The following DOCK7 variants were observed in gnomAD, a reference collection of about 807,000 sequenced individuals.
DOCK7 encodes the protein dedicator of cytokinesis 7, also known as dedicator of cytokinesis protein 7.
In DOCK7, 138 loss-of-function variants were observed where a neutral mutation model predicts 271.0. That is an observed-to-expected ratio of 0.51 (90% CI 0.44 to 0.59). The LOEUF (loss-of-function observed/expected upper bound fraction) is 0.59, where lower values mean the gene tolerates loss of function less well. Ranked by LOEUF, DOCK7 falls within the 20% of genes least tolerant of loss-of-function variation. The pLI is 0.00. For synonymous variants in DOCK7, 823 were observed against 876.1 expected (o/e 0.94, Z 1.07); for missense variants, 2,066 against 2,592.4 (o/e 0.80, Z 4.41).
At chr1:62,502,735 T>C (rs923098361) in intron 37 of DOCK7, among the ~76,000 whole-genome samples, 2 of 151,374 alleles carry the variant, frequency 1.3e-5, no homozygotes, top group Non-Finnish European at 2.9e-5. Context: ...ACAGACCATA[T>C]AGTGTAAGAT....
chr1:62,616,521 T>C (rs963508658), intron 14 of DOCK7, among the ~76,000 whole-genome samples: 4 of 151,922 alleles, frequency 2.6e-5, no homozygotes, highest in Non-Finnish European at 5.9e-5. Flanking sequence ...TATATAATTA[T>C]GAATGCTGGA....
intron 43 of DOCK7, chr1:62,485,299 A>T (rs1646260397): frequency 1.0e-6 from 1 of 985,296 alleles, no homozygotes. Context: ...ATTATTTTGC[A>T]TGGTAAAGAC....
At chr1:62,582,777 GA>G (rs1647177906) in intron 16 of DOCK7, among the ~76,000 whole-genome samples, 1 of 151,980 alleles carries the variant, frequency 6.6e-6, no homozygotes, top group African/African-American at 2.4e-5. Context: ...TCCCAAGGAA[GA>G]AAAATGACAA....
At position 62,604,859 on chromosome 1, in the gene DOCK7, C is replaced by T. The variant is rs375746080; in HGVS notation, c.1682+13847G>A. On this transcript the variant is annotated intron_variant, in intron 14 of 49. Transcript: ENST00000635253. ...AAGGCAATAATTTAAACATTAACCT[C>T]ATTCCAAGTTAATGTGGTCTAATAA... 67 of 1,549,338 alleles carry T rather than the reference C, an allele frequency of 4.3e-5. No individual in the cohort carries two copies. In the African/African-American group the frequency reaches 9.0e-4, roughly 21 times the overall value.
chr1:62,480,395 T>G (rs966091255), intron 43 of DOCK7, among the ~76,000 whole-genome samples: 10 of 152,168 alleles, frequency 6.6e-5, no homozygotes, highest in Non-Finnish European at 8.8e-5. Context: ...TCATCTTCAG[T>G]AATAGGAAAG....
At chr1:62,544,599 G>T (rs1299941301) in intron 23 of DOCK7, among the ~76,000 whole-genome samples, 2 of 152,006 alleles carry the variant, frequency 1.3e-5, no homozygotes, top group Non-Finnish European at 2.9e-5. Context: ...AAAACTGTTG[G>T]GTTTTTTCCT....
At chr1:62,526,078 A>T (rs1571403954) in intron 31 of DOCK7, among the ~76,000 whole-genome samples, 2 of 152,162 alleles carry the variant, frequency 1.3e-5, no homozygotes, top group South Asian at 4.1e-4. Flanking sequence ...CTGGGACTAC[A>T]GTAGGCACAT....
At chr1:62,516,154 G>A in intron 31 of DOCK7, among the ~76,000 whole-genome samples, 1 of 152,132 alleles carries the variant, frequency 6.6e-6, no homozygotes, top group South Asian at 2.1e-4. Context: ...TTATAATCTT[G>A]GGGAAAGGAT....
At chr1:62,647,620 A>T (rs1656829220) in intron 7 of DOCK7, 71 bp downstream of exon 7, 6 of 1,056,962 alleles carry the variant, frequency 5.7e-6, no homozygotes, top group Non-Finnish European at 8.5e-6. Flanking sequence ...ATCTACTCAG[A>T]TTTTGTTACA....
intron 14 of DOCK7, chr1:62,601,268 G>C: frequency 9.4e-7 from 1 of 1,066,240 alleles, no homozygotes; most frequent in Non-Finnish European, 1.4e-6. Flanking sequence ...ACTTGTTCTA[G>C]ACTAAAAGAT....
intron 1 of DOCK7, among the ~76,000 whole-genome samples, chr1:62,671,295 C>T (rs148711913): frequency 4.5e-4 from 68 of 152,284 alleles, no homozygotes; most frequent in Middle Eastern, 3.4e-3. Flanking sequence ...AAAGTGCTTA[C>T]CCAGTGTTTA....
intron 18 of DOCK7, among the ~76,000 whole-genome samples, chr1:62,568,728 A>C (rs2149460394): frequency 6.6e-6 from 1 of 151,740 alleles, no homozygotes; most frequent in East Asian, 1.9e-4. Context: ...AGAAGACAAG[A>C]AATAACCAAG....
At chr1:62,496,262 TTTTGA>T (rs1646619300) in intron 38 of DOCK7, 72 bp downstream of exon 38, 1 of 1,568,086 alleles carries the variant, frequency 6.4e-7, no homozygotes, top group Non-Finnish European at 8.7e-7. Context: ...AAAAATCAAC[TTTTGA>T]TTTAACAATT....
At chr1:62,657,735 A>C (rs1658194696) in intron 2 of DOCK7, among the ~76,000 whole-genome samples, 1 of 152,182 alleles carries the variant, frequency 6.6e-6, no homozygotes, top group Non-Finnish European at 1.5e-5. Context: ...TAAAGAACTA[A>C]ATGGAAATTT....
At chr1:62,495,428 C>T in intron 39 of DOCK7, 153 bp downstream of exon 39, 1 of 535,968 alleles carries the variant, frequency 1.9e-6, no homozygotes, top group Non-Finnish European at 2.9e-6. Flanking sequence ...CCCATCTCTA[C>T]AAAAAAGTAA....
At chr1:62,489,365 C>T (rs915801016) in intron 41 of DOCK7, among the ~76,000 whole-genome samples, 16 of 152,204 alleles carry the variant, frequency 1.1e-4, no homozygotes, top group South Asian at 8.3e-4. Context: ...AGGAGAATGG[C>T]GTGAACATGG....
chr1:62,524,931 C>CCA (rs1390048952), intron 31 of DOCK7, among the ~76,000 whole-genome samples: 2 of 103,632 alleles, frequency 1.9e-5, no homozygotes, highest in African/African-American at 4.4e-5. Context: ...ACCAACCAAA[C>CCA]TATATATATA....
chr1:62,617,094 C>CA (rs562770955), intron 14 of DOCK7, among the ~76,000 whole-genome samples: 1,692 of 98,980 alleles, frequency 0.017, 13 homozygotes, highest in African/African-American at 0.038. Flanking sequence ...GACTCTATTG[C>CA]AAAAAAAAAA....
chr1:62,577,666 C>T (rs1295907550), intron 17 of DOCK7, among the ~76,000 whole-genome samples: 1 of 151,980 alleles, frequency 6.6e-6, no homozygotes, highest in Non-Finnish European at 1.5e-5. Context: ...CATTTTAAAA[C>T]TGAGATAATC....
Sources: allele counts gnomAD v4.1 joint callset (sites outside exome capture counted in the v4.1 genomes callset), GRCh38; gene constraint gnomAD v4.1.1; transcripts MANE v1.5; gene names NCBI Gene and HGNC (gene_info 2026-07-23, HGNC 2026-07-21).